PRKN: variants seen among roughly 807,000 people sequenced by gnomAD.
PRKN encodes the protein parkin RBR E3 ubiquitin protein ligase.
Under a neutral mutation model 59.5 loss-of-function variants are expected in PRKN, and 56 were observed. The ratio of observed to expected loss-of-function variants is 0.94; its 90% CI spans 0.76 to 1.18. The LOEUF (loss-of-function observed/expected upper bound fraction) is 1.18. Among genes scored for constraint, PRKN ranks in the 50% most tolerant of loss-of-function variants. PRKN has a pLI of 0.00. For missense variants in PRKN, 657 were observed against 596.4 expected, an observed-to-expected ratio of 1.10 and a Z score of -1.06; for synonymous variants, 250 against 222.1, an observed-to-expected ratio of 1.13 and a Z score of -1.12.
chr6:162,122,705 G>C lies in PRKN; in HGVS notation c.535-68531C>G, dbSNP rs1235786573. 2.7e-5 allele frequency among the ~76,000 whole-genome samples: 4 copies of C among 148,660 alleles called. No homozygotes were observed. The Admixed American group carries it at 2.7e-4, about 10-fold the overall frequency. On this transcript the variant is annotated intron_variant, in intron 4 of 11. Coordinates refer to ENST00000366898, the MANE Select transcript of PRKN (RefSeq NM_004562.3). ...AGGTGACAACATTTGGATAGCCTGG[G>C]GCTCAATCTGTTCTATCTATCTATC...
At chr6:162,113,587 C>T (rs1255893476) in intron 4 of PRKN, among the ~76,000 whole-genome samples, 1 of 152,146 alleles carries the variant, frequency 6.6e-6, no homozygotes, top group Non-Finnish European at 1.5e-5. Context: ...TACATGTACA[C>T]AATTTTCATT....
In PRKN at chr6:161,480,408, A is replaced by G. The variant is rs1791334395; in HGVS notation, c.1083+68446T>C. Among the ~76,000 whole-genome samples, 1 of 152,170 alleles carries G rather than the reference A, an allele frequency of 6.6e-6. No individual in the cohort carries two copies. The highest frequency in any genetic ancestry group is 6.5e-5 in the Admixed American group (1 of 15,282). ...CCCTATTTTCCTATTCCACCATCAC[A>G]ACAATCCTGGAAAAGAATCTTAATT... On this transcript the variant is annotated intron_variant, in intron 9 of 11. Transcript: ENST00000366898. This position sits in a 1 kb window ranked among gnomAD's most constrained non-coding sequence, Gnocchi z 4.1.
At chr6:161,599,948 C>T (rs891249806) in intron 7 of PRKN, among the ~76,000 whole-genome samples, 4 of 152,302 alleles carry the variant, frequency 2.6e-5, no homozygotes, top group African/African-American at 9.6e-5. Flanking sequence ...ATGACAAAGG[C>T]GAGACCCAAT....
Position 162,165,434 on chromosome 6 carries a change from A to G in PRKN, c.534+35697T>C, listed in dbSNP as rs114526590. Among the ~76,000 whole-genome samples the G allele has an allele frequency of 4.8e-3, 722 of 149,678 alleles. 81 individuals carry two copies. The highest frequency in any genetic ancestry group is 0.017 in the African/African-American group (698 of 39,978). On this transcript the variant is annotated intron_variant, in intron 4 of 11. Coordinates refer to ENST00000366898, the MANE Select transcript of PRKN (RefSeq NM_004562.3). ...CCTGATAAAGTACTGATATGTAATA[A>G]ATAGATCAAAGCTTCCAGAACAATA...
At chr6:162,490,772 C>T (rs930346548) in intron 1 of PRKN, among the ~76,000 whole-genome samples, 2 of 152,198 alleles carry the variant, frequency 1.3e-5, no homozygotes, top group African/African-American at 4.8e-5. Flanking sequence ...AAAGATGGAT[C>T]GTTCAGGAAA....
At chr6:161,708,878 A>G (rs974882025) in intron 7 of PRKN, among the ~76,000 whole-genome samples, 2 of 152,236 alleles carry the variant, frequency 1.3e-5, no homozygotes, top group African/African-American at 4.8e-5. Context: ...AAGAAAACCC[A>G]GTCTCTGTCC....
intron 1 of PRKN, among the ~76,000 whole-genome samples, chr6:162,449,432 T>C (rs1023625471): frequency 3.3e-5 from 5 of 152,190 alleles, no homozygotes; most frequent in African/African-American, 1.2e-4. Flanking sequence ...AACTGCATCT[T>C]TGGACTCATA....
rs1296902741 is a variant in PRKN, at chr6:161,396,063, C to A, written c.1084-9186G>T. Among the ~76,000 whole-genome samples the A allele has an allele frequency of 1.3e-5, 2 of 152,198 alleles. No individual in the cohort carries two copies. The highest frequency in any genetic ancestry group is 2.9e-5 in the Non-Finnish European group (2 of 68,024). On this transcript the variant is annotated intron_variant, in intron 9 of 11. Coordinates refer to ENST00000366898, the MANE Select transcript of PRKN (RefSeq NM_004562.3). The surrounding 1 kb of genome is among the most constrained non-coding windows in gnomAD (Gnocchi z 5.4). ...CAGTGACGCTTGCCAGGTGACCTGA[C>A]TGCAGCAGTCTGCCAGAGGACAGGG...
intron 2 of PRKN, among the ~76,000 whole-genome samples, chr6:162,440,758 T>C (rs1790012182): frequency 6.6e-6 from 1 of 152,104 alleles, no homozygotes; most frequent in Non-Finnish European, 1.5e-5. Flanking sequence ...GGAAGGTCCA[T>C]CTTCTTTTTC....
chr6:161,921,812 C>T (rs776599815), intron 6 of PRKN, among the ~76,000 whole-genome samples: 5 of 152,190 alleles, frequency 3.3e-5, no homozygotes, highest in Non-Finnish European at 7.3e-5. Context: ...TTTGGTAGAA[C>T]GTCATCCTCT....
At chr6:162,282,386 T>C (rs781190164) in intron 2 of PRKN, among the ~76,000 whole-genome samples, 7 of 151,666 alleles carry the variant, frequency 4.6e-5, no homozygotes, top group South Asian at 2.1e-4. Context: ...ATGGAAACAA[T>C]GGAATCACAT....
rs1562383605 is a variant in PRKN, at chr6:161,347,606, C to CCTTTTTGT, written c.*2492_*2493insACAAAAAG. On this transcript the variant is annotated 3_prime_UTR_variant, in exon 12 of 12. Coordinates refer to ENST00000366898, the MANE Select transcript of PRKN (RefSeq NM_004562.3). ...TGTTCATGTGTAGTGGATGATCTTG[C>CCTTTTTGT]TTTTTTGTTTTTGTTTTTTTTTTTT... is the stretch of plus-strand genomic sequence containing the variant. 3.0e-5 allele frequency: 4 copies of CCTTTTTGT among 134,756 alleles called. No homozygotes were observed. The highest frequency in any genetic ancestry group is 3.2e-5 in the Non-Finnish European group (2 of 62,988). 8.3% of individuals were successfully genotyped at this position (134,756 alleles called of 1,614,324 possible). A position where few individuals can be genotyped will look rare whatever the true frequency, so the allele number is the denominator to read the frequency against.
At chr6:162,212,476 G>C (rs1005441352) in intron 3 of PRKN, among the ~76,000 whole-genome samples, 2 of 152,128 alleles carry the variant, frequency 1.3e-5, no homozygotes, top group Non-Finnish European at 2.9e-5. Flanking sequence ...TGCTCGGCCT[G>C]TGCTACAGAT....
At chr6:162,555,012 T>C (rs1368463119) in intron 1 of PRKN, among the ~76,000 whole-genome samples, 1 of 152,162 alleles carries the variant, frequency 6.6e-6, no homozygotes, top group African/African-American at 2.4e-5. Context: ...TTATACGCAA[T>C]GGACTATGCT....
chr6:162,314,037 C>T (rs1031829025), intron 2 of PRKN, among the ~76,000 whole-genome samples: 11 of 152,166 alleles, frequency 7.2e-5, no homozygotes, highest in African/African-American at 2.6e-4. Flanking sequence ...CATCAGGTAG[C>T]AAACAGTCAT....
chr6:161,984,924 A>T (rs371549484), intron 5 of PRKN, among the ~76,000 whole-genome samples: 68 of 152,182 alleles, frequency 4.5e-4, no homozygotes, highest in African/African-American at 1.5e-3. Flanking sequence ...CTGACCTCTG[A>T]CTCATTCCTG....
chr6:162,587,706 AC>A (rs1781120838), intron 1 of PRKN, among the ~76,000 whole-genome samples: 1 of 152,208 alleles, frequency 6.6e-6, no homozygotes, highest in Non-Finnish European at 1.5e-5. Context: ...AGCATAATAG[AC>A]TATCAGTTAG....
chr6:161,965,750 T>C (rs910340924), intron 6 of PRKN, among the ~76,000 whole-genome samples: 1 of 152,024 alleles, frequency 6.6e-6, no homozygotes, highest in African/African-American at 2.4e-5. Context: ...TTCCAGCCTA[T>C]AGGTAAATTT....
chr6:162,182,411 G>A (rs989819260), intron 4 of PRKN, among the ~76,000 whole-genome samples: 2 of 152,142 alleles, frequency 1.3e-5, no homozygotes, highest in South Asian at 2.1e-4. Context: ...AGGACAAGTG[G>A]CACTAGCTGT....
Sources: allele counts gnomAD v4.1 joint callset (sites outside exome capture counted in the v4.1 genomes callset), GRCh38; gene constraint gnomAD v4.1.1; non-coding constraint Gnocchi (gnomAD v3.1); transcripts MANE v1.5; gene names NCBI Gene and HGNC (gene_info 2026-07-23, HGNC 2026-07-21).